RERE: variants seen among roughly 807,000 people sequenced by gnomAD.
The protein encoded by RERE is arginine-glutamic acid dipeptide repeats protein.
A neutral mutation model predicts 146.1 loss-of-function variants in RERE; 40 were observed. That is an observed-to-expected ratio of 0.27 (90% confidence interval 0.21 to 0.36). The LOEUF (loss-of-function observed/expected upper bound fraction) is 0.36. RERE is among the 10% of genes least tolerant of loss of function. The pLI, the probability that RERE is intolerant of heterozygous loss-of-function variation, is 1.00. For synonymous variants in RERE, 1,003 were observed against 866.0 expected, an observed-to-expected ratio of 1.16 and a Z score of -2.78; for missense variants, 1,933 against 2,138.7, an observed-to-expected ratio of 0.90 and a Z score of 1.90.
At chr1:8,795,657 A>G (rs1007846382) in intron 1 of RERE, among the ~76,000 whole-genome samples, 2 of 152,100 alleles carry the variant, frequency 1.3e-5, no homozygotes, top group African/African-American at 4.8e-5. Context: ...AGGCTATCAC[A>G]GTTCAGGACA....
chr1:8,397,916 G>C (rs886316651), intron 12 of RERE, among the ~76,000 whole-genome samples: 2 of 152,242 alleles, frequency 1.3e-5, no homozygotes, highest in African/African-American at 4.8e-5. Context: ...TATTTCTTGA[G>C]CATCTAGGTG....
intron 1 of RERE, among the ~76,000 whole-genome samples, chr1:8,773,764 C>T (rs1641002946): frequency 1.3e-5 from 2 of 152,110 alleles, no homozygotes; most frequent in African/African-American, 4.8e-5. Context: ...GCAGAGACTG[C>T]AGGGAGCTGA....
chr1:8,489,447 G>T (rs151113174), intron 10 of RERE, among the ~76,000 whole-genome samples: 170 of 151,578 alleles, frequency 1.1e-3, no homozygotes, highest in Admixed American at 4.9e-3. Context: ...TATATCAAAG[G>T]ACTTCTACCT....
At chr1:8,399,207 G>C (rs1643163351) in intron 12 of RERE, among the ~76,000 whole-genome samples, 2 of 151,026 alleles carry the variant, frequency 1.3e-5, no homozygotes, top group Non-Finnish European at 2.9e-5. Flanking sequence ...ATAAAACACA[G>C]ACTTTTTAAG....
In RERE at chr1:8,359,833, C is replaced by T; in HGVS notation, c.3549G>A (p.Glu1183=). ...GCTCCTTCTCCTTCTCCTTCTCCCG[C>T]TCTCGCTCCTCTCGGGCTTTCTGCT... ...EAEQKAREER[E]REKEKEKERE... is the part of the protein sequence containing the mutation. The change falls in exon 19 of 23, where the codon GAG becomes GAA. Residue 1183 remains glutamate, a synonymous_variant. Transcript: ENST00000400908. The T allele has an allele frequency of 6.2e-7, 1 of 1,609,538 alleles. No homozygotes were observed. The highest frequency in any genetic ancestry group is 2.2e-5 in the East Asian group (1 of 44,878).
intron 1 of RERE, among the ~76,000 whole-genome samples, chr1:8,708,990 G>A (rs551755529): frequency 1.5e-5 from 2 of 131,968 alleles, no homozygotes; most frequent in South Asian, 4.8e-4. Context: ...TCGGCTCACT[G>A]CAAGCTCCAT....
At chr1:8,615,472 T>C (rs532521171) in intron 3 of RERE, among the ~76,000 whole-genome samples, 146 of 152,346 alleles carry the variant, frequency 9.6e-4, no homozygotes, top group African/African-American at 3.4e-3. Context: ...TAGCACAGTA[T>C]ACCTCAGATA....
chr1:8,779,203 T>C (rs1015936456), intron 1 of RERE, among the ~76,000 whole-genome samples: 1 of 151,976 alleles, frequency 6.6e-6, no homozygotes, highest in African/African-American at 2.4e-5. Context: ...AAGGAAATAA[T>C]TGTAAATATG....
intron 2 of RERE, among the ~76,000 whole-genome samples, chr1:8,630,334 A>G (rs1363983515): frequency 6.6e-6 from 1 of 152,132 alleles, no homozygotes; most frequent in Non-Finnish European, 1.5e-5. Context: ...TCTATAAACA[A>G]TGCACTGTTC....
intron 1 of RERE, among the ~76,000 whole-genome samples, chr1:8,734,112 T>TTAAAA (rs548500737): frequency 5.8e-4 from 88 of 152,260 alleles, no homozygotes; most frequent in African/African-American, 2.0e-3. Context: ...GTCTCAAAAA[T>TTAAAA]TAAAATAAAA....
At chr1:8,416,350 C>T (rs1267456741) in intron 12 of RERE, among the ~76,000 whole-genome samples, 1 of 152,116 alleles carries the variant, frequency 6.6e-6, no homozygotes, top group Non-Finnish European at 1.5e-5. Context: ...CTTTGGGAGG[C>T]CAAGGCGGGC....
At chr1:8,573,128 T>C (rs1646242725) in intron 4 of RERE, among the ~76,000 whole-genome samples, 1 of 152,190 alleles carries the variant, frequency 6.6e-6, no homozygotes, top group Admixed American at 6.5e-5. Context: ...ATCTTTCTTA[T>C]TTTTCTTTTT....
chr1:8,649,123 T>C (rs557538220), intron 2 of RERE, among the ~76,000 whole-genome samples: 15 of 152,168 alleles, frequency 9.9e-5, no homozygotes, highest in African/African-American at 3.6e-4. Flanking sequence ...ATCAATATCC[T>C]ATGCTAAAGA....
chr1:8,754,914 C>A (rs1487149938), intron 1 of RERE, among the ~76,000 whole-genome samples: 5 of 152,178 alleles, frequency 3.3e-5, no homozygotes, highest in African/African-American at 4.8e-5. Context: ...TATAGTAATT[C>A]CCCTCTTTCT....
chr1:8,743,090 CATA>C (rs761145533), intron 1 of RERE, among the ~76,000 whole-genome samples: 30 of 151,822 alleles, frequency 2.0e-4, no homozygotes, highest in Non-Finnish European at 3.7e-4. Context: ...TAAAAAAAGA[CATA>C]ATAAGTATGC....
intron 6 of RERE, among the ~76,000 whole-genome samples, chr1:8,555,220 GA>G (rs1205829696): frequency 2.6e-5 from 4 of 152,294 alleles, no homozygotes; most frequent in Admixed American, 2.6e-4. Context: ...GGCTGAAAAA[GA>G]AAGCAAAAGA....
chr1:8,672,698 A>C (rs1339048300), intron 1 of RERE, among the ~76,000 whole-genome samples: 1 of 152,144 alleles, frequency 6.6e-6, no homozygotes, highest in African/African-American at 2.4e-5. Context: ...GTCAACAATA[A>C]CCTTTATGGT....
intron 11 of RERE, among the ~76,000 whole-genome samples, chr1:8,457,399 G>T (rs754704866): frequency 9.9e-5 from 15 of 152,070 alleles, no homozygotes; most frequent in Non-Finnish European, 1.6e-4. Context: ...AAGGTACTTC[G>T]GAAAAATGTC....
chr1:8,811,014 T>G (rs1011655135), intron 1 of RERE, among the ~76,000 whole-genome samples: 13 of 152,228 alleles, frequency 8.5e-5, no homozygotes, highest in Non-Finnish European at 1.6e-4. Flanking sequence ...CTACGAGTTA[T>G]GACTATGAAG....
Sources: allele counts gnomAD v4.1 joint callset (sites outside exome capture counted in the v4.1 genomes callset), GRCh38; gene constraint gnomAD v4.1.1; transcripts MANE v1.5; gene names NCBI Gene and HGNC (gene_info 2026-07-23, HGNC 2026-07-21).